KCNMA1: variants seen among roughly 807,000 people sequenced by gnomAD.
KCNMA1 encodes the protein potassium calcium-activated channel subfamily M alpha 1, also known as Calcium-activated potassium channel subunit alpha-1.
A neutral mutation model predicts 140.0 loss-of-function variants in KCNMA1; 29 were observed. That is an observed-to-expected ratio of 0.21 (90% CI 0.15 to 0.28). The LOEUF is 0.28. Among genes scored for constraint, KCNMA1 ranks in the 10% least tolerant of loss-of-function variants. The probability of loss-of-function intolerance (pLI) is 1.00; values close to 1 mark genes in which losing one functional copy is unlikely to be tolerated. For missense variants in KCNMA1, 880 were observed against 1,602.2 expected, an observed-to-expected ratio of 0.55 and a Z score of 7.70; for synonymous variants, 612 against 611.9, an observed-to-expected ratio of 1.00 and a Z score of 0.00.
chr10:76,902,497 G>A (rs1056158547), intron 25 of KCNMA1: 12 of 152,194 alleles, frequency 7.9e-5, no homozygotes, highest in South Asian at 2.1e-4. Context: ...CTATCCTTGC[G>A]TCACATGGGC....
At chr10:77,382,959 C>CGTGTGTGTGTGTGTGT (rs57049025) in intron 2 of KCNMA1, among the ~76,000 whole-genome samples, 6 of 76,990 alleles carry the variant, frequency 7.8e-5, no homozygotes, top group East Asian at 4.3e-4. Flanking sequence ...CATATATATA[C>CGTGTGTGTGTGTGTGT]GTGTGTGTGT....
Position 77,558,514 on chromosome 10 carries a change from G to A in KCNMA1, c.378+78751C>T. ...GGATGTCGGGGGTGGGGTGTTCCAG[G>A]GAAAAAGACCACAGCTTCTGGATGG... On this transcript the variant is annotated intron_variant, in intron 1 of 27. Coordinates refer to ENST00000286628, the MANE Select transcript of KCNMA1 (RefSeq NM_001161352.2). Among the ~76,000 whole-genome samples the A allele has an allele frequency of 1.3e-5, 2 of 152,068 alleles. 1 individual carries two copies.
intron 1 of KCNMA1, among the ~76,000 whole-genome samples, chr10:77,625,646 G>A (rs1200557221): frequency 6.6e-6 from 1 of 152,090 alleles, no homozygotes; most frequent in African/African-American, 2.4e-5. Flanking sequence ...TGATGTCCTC[G>A]ATGTTCATCT....
intron 2 of KCNMA1, among the ~76,000 whole-genome samples, chr10:77,265,857 G>C (rs903311244): frequency 6.6e-6 from 1 of 152,158 alleles, no homozygotes; most frequent in South Asian, 2.1e-4. Flanking sequence ...GAGATGGGCA[G>C]TTCACTTGAG....
intron 18 of KCNMA1, among the ~76,000 whole-genome samples, chr10:77,007,130 A>T (rs1237979542): frequency 6.6e-6 from 1 of 152,214 alleles, no homozygotes; most frequent in Non-Finnish European, 1.5e-5. Flanking sequence ...CCAAAGCTCA[A>T]TGCTGGCCTT....
At chr10:77,422,523 G>A (rs564072052) in intron 1 of KCNMA1, among the ~76,000 whole-genome samples, 6 of 152,320 alleles carry the variant, frequency 3.9e-5, no homozygotes, top group African/African-American at 1.2e-4. Context: ...TAGCAGCTCT[G>A]ACCCATCTTT....
intron 20 of KCNMA1, among the ~76,000 whole-genome samples, chr10:76,957,094 T>A (rs2068650459): frequency 7.4e-6 from 1 of 135,912 alleles, no homozygotes; most frequent in African/African-American, 2.8e-5. Flanking sequence ...CGCCACTACA[T>A]TCCAGCCTGG....
At chr10:77,201,999 T>G (rs2042646208) in intron 3 of KCNMA1, among the ~76,000 whole-genome samples, 1 of 152,222 alleles carries the variant, frequency 6.6e-6, no homozygotes, top group East Asian at 1.9e-4. Flanking sequence ...TTTTTGCAAC[T>G]TCTTGTGAAT....
In KCNMA1 at chr10:77,537,335, C is replaced by A. The variant is rs566578149; in HGVS notation, c.378+99930G>T. Among the ~76,000 whole-genome samples the A allele has an allele frequency of 8.5e-5, 13 of 152,308 alleles. No individual in the cohort carries two copies. In the East Asian group the frequency reaches 2.5e-3, roughly 29 times the overall value. Reference sequence around the variant, plus strand: ...CCAACTCAGGGGACACATTCTTCAGCCACAAGAACACCACCCCAGCAGAAC... The same window carrying A: ...CCAACTCAGGGGACACATTCTTCAGACACAAGAACACCACCCCAGCAGAAC... On this transcript the variant is annotated intron_variant, in intron 1 of 27. Transcript: ENST00000286628.
downstream of KCNMA1, chr10:76,884,816 C>T (rs2151608496): frequency 9.7e-7 from 1 of 1,028,546 alleles, no homozygotes. Flanking sequence ...AAAAGCAAAA[C>T]AAAATAAATA....
chr10:77,536,728 G>A (rs1567399627), intron 1 of KCNMA1, among the ~76,000 whole-genome samples: 1 of 152,104 alleles, frequency 6.6e-6, no homozygotes, highest in Non-Finnish European at 1.5e-5. Context: ...AAGCAAAAAG[G>A]CCCACTTCAG....
At chr10:77,376,889 G>A (rs535871509) in intron 2 of KCNMA1, among the ~76,000 whole-genome samples, 1 of 152,272 alleles carries the variant, frequency 6.6e-6, no homozygotes, top group Admixed American at 6.5e-5. Context: ...AGTGAGCCGA[G>A]ATCGTGCCAC....
rs572874539 is a variant in KCNMA1, at chr10:77,445,173, A to T, written c.379-41150T>A. ...AAACCCAGGGAAGCCACAGGAAAAA[A>T]ATGGGGCTAGGATCCCCACTTTCTA... On this transcript the variant is annotated intron_variant, in intron 1 of 27. Coordinates refer to ENST00000286628, the MANE Select transcript of KCNMA1 (RefSeq NM_001161352.2). Among the ~76,000 whole-genome samples, 4 of 152,258 alleles carry T rather than the reference A, an allele frequency of 2.6e-5. No individual in the cohort carries two copies. In the South Asian group the frequency reaches 8.3e-4, roughly 32 times the overall value.
chr10:77,268,617 G>A (rs879466360), intron 2 of KCNMA1, among the ~76,000 whole-genome samples: 2 of 152,076 alleles, frequency 1.3e-5, no homozygotes, highest in Non-Finnish European at 2.9e-5. Flanking sequence ...AGTGGCATCC[G>A]CAGGCTTCTC....
chr10:77,111,248 G>A (rs560441346), intron 7 of KCNMA1, among the ~76,000 whole-genome samples: 3 of 152,310 alleles, frequency 2.0e-5, no homozygotes, highest in South Asian at 4.1e-4. Flanking sequence ...ACTCAAATAT[G>A]CCTGTGATCC....
intron 24 of KCNMA1, chr10:76,913,903 C>G (rs2051487856): frequency 3.2e-6 from 2 of 626,040 alleles, no homozygotes; most frequent in Non-Finnish European, 5.6e-6. Context: ...ACAGTCGATT[C>G]CAACCAGAGC....
intron 1 of KCNMA1, among the ~76,000 whole-genome samples, chr10:77,497,635 A>G (rs1466499794): frequency 6.6e-6 from 1 of 152,192 alleles, no homozygotes; most frequent in Non-Finnish European, 1.5e-5. Context: ...CCTAAAAGAG[A>G]GCTGAGTTTA....
At chr10:77,594,068 G>A (rs996922189) in intron 1 of KCNMA1, among the ~76,000 whole-genome samples, 2 of 152,128 alleles carry the variant, frequency 1.3e-5, no homozygotes, top group African/African-American at 4.8e-5. Context: ...ATTAAATAAA[G>A]AGAAATGGGA....
chr10:77,431,032 T>A (rs1185619116), intron 1 of KCNMA1, among the ~76,000 whole-genome samples: 1 of 152,186 alleles, frequency 6.6e-6, no homozygotes, highest in Admixed American at 6.5e-5. Context: ...CTACTCCTTT[T>A]AGGATGGCAG....
Sources: gnomAD v4.1 joint callset for allele counts (sites outside exome capture counted in the v4.1 genomes callset) on GRCh38, gnomAD v4.1.1 for gene constraint, MANE v1.5 for transcripts, NCBI Gene and HGNC (gene_info 2026-07-23, HGNC 2026-07-21) for gene names.